Variants in SLC19A1 observed in about 807,000 individuals in gnomAD.
The protein encoded by SLC19A1 is reduced folate transporter.
A neutral mutation model predicts 35.3 loss-of-function variants in SLC19A1; 37 were observed. The ratio of observed to expected loss-of-function variants is 1.05; its 90% CI spans 0.81 to 1.38. SLC19A1 has a LOEUF of 1.38. Ranked by LOEUF, SLC19A1 falls within the 40% of genes most tolerant of loss-of-function variation. The pLI, the probability that SLC19A1 is intolerant of heterozygous loss-of-function variation, is 0.00. For missense variants in SLC19A1, 831 were observed against 826.9 expected, an observed-to-expected ratio of 1.00 and a Z score of -0.06; for synonymous variants, 460 against 398.5, an observed-to-expected ratio of 1.15 and a Z score of -1.84.
Position 45,540,628 on chromosome 21 carries a change from G to A in SLC19A1, c.-50+1740C>T, listed in dbSNP as rs1197569657. 2.0e-5 allele frequency among the ~76,000 whole-genome samples: 3 copies of A among 152,192 alleles called. No homozygotes were observed. The highest frequency in any genetic ancestry group is 7.2e-5 in the African/African-American group (3 of 41,452). ...TCACGGCCCAGACCACCTCCAAGAGGAAAGATAGGGAACTTGGTCACCATC... is the reference window on the plus strand; with the variant it reads ...TCACGGCCCAGACCACCTCCAAGAGAAAAGATAGGGAACTTGGTCACCATC... On this transcript the variant is annotated intron_variant, in intron 1 of 5. Coordinates refer to ENST00000311124, the MANE Select transcript of SLC19A1 (RefSeq NM_194255.4). This position sits in a 1 kb window ranked among gnomAD's most constrained non-coding sequence, Gnocchi z 5.5.
intron 4 of SLC19A1, among the ~76,000 whole-genome samples, chr21:45,528,073 G>A (rs966721526): frequency 1.3e-5 from 2 of 152,032 alleles, no homozygotes; most frequent in African/African-American, 2.4e-5. Context: ...GAGACGGGGG[G>A]ACAGTGGGGA....
intron 1 of SLC19A1, among the ~76,000 whole-genome samples, chr21:45,554,996 A>T (rs1326542114): frequency 2.0e-5 from 3 of 150,950 alleles, no homozygotes; most frequent in African/African-American, 7.3e-5. Context: ...CGCGCCCAGG[A>T]GCACGTCCAG....
chr21:45,535,442 A>C (rs1047467738), intron 2 of SLC19A1, among the ~76,000 whole-genome samples: 2 of 152,132 alleles, frequency 1.3e-5, no homozygotes, highest in African/African-American at 4.8e-5. Context: ...TCCGAGGAGG[A>C]CAGCAACCAC....
At chr21:45,509,525 A>G (rs372765303), downstream of SLC19A1, 9 of 1,536,218 alleles carry the variant, frequency 5.9e-6, no homozygotes, top group Non-Finnish European at 7.9e-6. Flanking sequence ...GCCCCGCACC[A>G]CAGCTCCTAC....
chr21:45,509,493 C>A (rs377093259), downstream of SLC19A1: 2 of 1,529,078 alleles, frequency 1.3e-6, no homozygotes, highest in Non-Finnish European at 1.8e-6. Flanking sequence ...CTCGCCTGCC[C>A]GAGCCCCAGC....
intron 5 of SLC19A1, 116 bp from the exon 6 acceptor site, chr21:45,516,256 A>C: frequency 1.3e-6 from 1 of 796,400 alleles, no homozygotes; most frequent in South Asian, 1.7e-5. Flanking sequence ...CTGACCCTGA[A>C]CACTGCACAG....
chr21:45,515,359 A>G lies in SLC19A1; in HGVS notation c.*299T>C. On this transcript the variant is annotated 3_prime_UTR_variant, in exon 6 of 6. Coordinates refer to ENST00000311124, the MANE Select transcript of SLC19A1 (RefSeq NM_194255.4). ...TGGGGGGCAGAAAGGATTTGTCTCA[A>G]GCCCCCCAAGGGGCATGAGCCAGTG... 7.0e-7 allele frequency: 1 copy of G among 1,437,644 alleles called. No homozygotes were observed. The highest frequency in any genetic ancestry group is 9.0e-7 in the Non-Finnish European group (1 of 1,105,760). The allele number at this position is 1,437,644 out of a possible 1,614,324, so 89.1% of individuals were successfully genotyped here.
chr21:45,543,152 G>C (rs927606084), upstream of SLC19A1, among the ~76,000 whole-genome samples: 11 of 152,346 alleles, frequency 7.2e-5, no homozygotes, highest in Non-Finnish European at 1.6e-4. Flanking sequence ...CGCAGGCCTC[G>C]CAGACGGCAG....
At chr21:45,509,543 TGCGGCCGGCGCGACCCACAAGCCCACCC>T (rs2037446803), downstream of SLC19A1, 1 of 1,536,000 alleles carries the variant, frequency 6.5e-7, no homozygotes, top group Non-Finnish European at 8.7e-7. Flanking sequence ...TACGTGCACC[TGCGGCCGGCGCGACCCACAAGCCCACCC>T]GCCCACAGCC....
chr21:45,505,561 A>G, intron 3 of SLC19A1: 1 of 697,890 alleles, frequency 1.4e-6, no homozygotes, highest in Non-Finnish European at 2.5e-6. Context: ...TGCGGTTTCC[A>G]GGGTGGAAGC....
In SLC19A1 at chr21:45,513,489, G is replaced by A. The variant is rs918790378; in HGVS notation, c.*2169C>T. 4 of 152,230 alleles carry A rather than the reference G, an allele frequency of 2.6e-5. No homozygotes were observed. Among genetic ancestry groups the A allele is most frequent in the Admixed American group, 1.3e-4 (2 of 15,288 alleles). The allele number at this position is 152,230 out of a possible 1,614,324, so 9.4% of individuals were successfully genotyped here. A position where few individuals can be genotyped will look rare whatever the true frequency, so the allele number is the denominator to read the frequency against. On this transcript the variant is annotated 3_prime_UTR_variant, in exon 6 of 6. Transcript: ENST00000311124. ...CTGCGGGTGAACAAAGCAGCCACGA[G>A]GTGCAACAAGGTCCTCTGTCAGTCA...
downstream of SLC19A1, among the ~76,000 whole-genome samples, chr21:45,507,827 T>C (rs934515114): frequency 2.6e-5 from 4 of 152,194 alleles, no homozygotes; most frequent in African/African-American, 9.7e-5. Context: ...GCCCCTCTCA[T>C]CCCTCAACTT....
Position 45,516,038 on chromosome 21 carries a change from G to A in SLC19A1, c.1396C>T (p.Gln466Ter). The change falls in exon 6 of 6, where the codon CAG becomes TAG. Residue 466 changes from glutamine (Q) to a stop codon, truncating the protein, a stop_gained. Coordinates refer to ENST00000311124, the MANE Select transcript of SLC19A1 (RefSeq NM_194255.4). LOFTEE classifies it low-confidence loss of function (END_TRUNC). ...CTCCTCAGGCCCTGGGCCGGGGGCT[G>A]CCGCGGGTGGTGGCCCCGCTGGCAG... ...RHCQRGHHPR[Q>*]PPAQGLRSAA... The A allele has an allele frequency of 6.3e-7, 1 of 1,580,894 alleles. No individual in the cohort carries two copies.
At chr21:45,537,734 C>T (rs2078170955) in intron 2 of SLC19A1, 37 bp downstream of exon 2, 1 of 1,144,018 alleles carries the variant, frequency 8.7e-7, no homozygotes, top group Non-Finnish European at 1.1e-6. Flanking sequence ...GCCCACCCAC[C>T]CACAGGCGGC....
chr21:45,508,587 G>A (rs996225053), downstream of SLC19A1, among the ~76,000 whole-genome samples: 1 of 152,118 alleles, frequency 6.6e-6, no homozygotes, highest in South Asian at 2.1e-4. Context: ...AGCTGCTGTC[G>A]GCCCCTCCTT....
rs559420269 is a variant in SLC19A1 at position 45,530,610 on chromosome 21, G to C, written c.1151+160C>G. The stretch of plus-strand genomic sequence containing the variant: ...ACAGGAAGGGACGCCCGAGGTCCCA[G>C]GGAGAGGCAAGTGGGGACCCTGGTC... On this transcript the variant is annotated intron_variant, in intron 4 of 5. Transcript: ENST00000311124. The surrounding 1 kb of genome is among the most constrained non-coding windows in gnomAD (Gnocchi z 5.3). Among the ~76,000 whole-genome samples, 3 of 152,160 alleles carry C rather than the reference G, an allele frequency of 2.0e-5. No homozygotes were observed. Among genetic ancestry groups the C allele is most frequent in the Non-Finnish European group, 4.4e-5 (3 of 67,990 alleles).
intron 3 of SLC19A1, chr21:45,505,819 C>A (rs746149956): frequency 2.0e-5 from 32 of 1,571,188 alleles, no homozygotes; most frequent in Non-Finnish European, 5.2e-6. Context: ...CCCCACACCT[C>A]TGCATTTGGT....
intron 1 of SLC19A1, among the ~76,000 whole-genome samples, chr21:45,553,081 G>A (rs1421375282): frequency 6.6e-6 from 1 of 152,218 alleles, no homozygotes; most frequent in African/African-American, 2.4e-5. Flanking sequence ...AGGTGGCCAG[G>A]CTCAGGGCTG....
At chr21:45,503,767 C>T (rs1443705110) in intron 3 of SLC19A1, among the ~76,000 whole-genome samples, 3 of 150,882 alleles carry the variant, frequency 2.0e-5, no homozygotes, top group Non-Finnish European at 4.4e-5. Context: ...GCACATGTAC[C>T]CTAAAACTTA....
Sources: allele counts gnomAD v4.1 joint callset (sites outside exome capture counted in the v4.1 genomes callset), GRCh38; gene constraint gnomAD v4.1.1; non-coding constraint Gnocchi (gnomAD v3.1); transcripts MANE v1.5; gene names NCBI Gene and HGNC (gene_info 2026-07-23, HGNC 2026-07-21).